The following RBFOX1 variants were observed in gnomAD, a reference collection of about 807,000 sequenced individuals.
RBFOX1 encodes RNA binding fox-1 homolog 1, also known as RNA binding protein fox-1 homolog 1.
In RBFOX1, 8 loss-of-function variants were observed where a neutral mutation model predicts 57.7. The observed-to-expected ratio is 0.14, with a 90% CI of 0.08 to 0.25. RBFOX1 has a LOEUF of 0.25. Among genes scored for constraint, RBFOX1 ranks in the 10% least tolerant of loss-of-function variants. The pLI, the probability that RBFOX1 is intolerant of heterozygous loss-of-function variation, is 1.00. For synonymous variants in RBFOX1, 326 were observed against 222.4 expected, an observed-to-expected ratio of 1.47 and a Z score of -4.15; for missense variants, 611 against 548.5, an observed-to-expected ratio of 1.11 and a Z score of -1.14.
chr16:5,276,279 T>TG (rs2063138271), intron 1 of RBFOX1, among the ~76,000 whole-genome samples: 1 of 152,132 alleles, frequency 6.6e-6, no homozygotes, highest in African/African-American at 2.4e-5. Flanking sequence ...TTTCACAAAC[T>TG]GCATCTGACA....
At chr16:6,421,781 A>G (rs1024896599) in intron 2 of RBFOX1, among the ~76,000 whole-genome samples, 4 of 152,202 alleles carry the variant, frequency 2.6e-5, no homozygotes, top group Admixed American at 1.3e-4. Flanking sequence ...ACCTTGGCCC[A>G]GCTCTGTGCA....
intron 1 of RBFOX1, among the ~76,000 whole-genome samples, chr16:6,130,043 G>A (rs181636964): frequency 4.7e-4 from 72 of 152,222 alleles, no homozygotes; most frequent in African/African-American, 1.7e-3. Flanking sequence ...GATCAAATAT[G>A]AAAGGAAATG....
At chr16:5,481,058 A>T (rs755569015) in intron 2 of RBFOX1, among the ~76,000 whole-genome samples, 45 of 152,228 alleles carry the variant, frequency 3.0e-4, no homozygotes, top group Non-Finnish European at 3.1e-4. Flanking sequence ...ACACAAGTCT[A>T]CTAGCTCTAA....
chr16:7,512,333 C>G (rs1008044447), intron 4 of RBFOX1, among the ~76,000 whole-genome samples: 3 of 152,084 alleles, frequency 2.0e-5, no homozygotes, highest in Non-Finnish European at 2.9e-5. Context: ...TACATTTCAG[C>G]CAAGCTAAGA....
chr16:6,252,819 A>G (rs371308026), intron 1 of RBFOX1, among the ~76,000 whole-genome samples: 21 of 152,306 alleles, frequency 1.4e-4, no homozygotes, highest in African/African-American at 4.8e-4. Flanking sequence ...TGATAACCAC[A>G]TTCTGAACAT....
In RBFOX1 at chr16:6,641,982, A is replaced by G. The variant is rs896975029; in HGVS notation, c.-63-12621A>G. Among the ~76,000 whole-genome samples the G allele has an allele frequency of 3.9e-5, 6 of 152,274 alleles. 1 individual carries two copies. In the South Asian group the frequency reaches 1.2e-3, roughly 32 times the overall value. ...GTTAATTATTCACAGGAACCCGTCA[A>G]TGAAAGCACCAGGGATTATCCAGGA... On this transcript the variant is annotated intron_variant, in intron 2 of 15. Transcript: ENST00000550418.
chr16:5,598,770 G>A, intron 2 of RBFOX1: 1 of 681,216 alleles, frequency 1.5e-6, no homozygotes, highest in Non-Finnish European at 2.4e-6. Flanking sequence ...GATGGGTGGA[G>A]AGACAGAGGG....
chr16:6,869,405 A>T (rs921220217), intron 3 of RBFOX1, among the ~76,000 whole-genome samples: 1 of 152,022 alleles, frequency 6.6e-6, no homozygotes, highest in Non-Finnish European at 1.5e-5. Flanking sequence ...TCAAGCTCCA[A>T]ATTCTGTTAT....
At chr16:5,461,783 A>AGGCCC (rs2068795034) in intron 1 of RBFOX1, among the ~76,000 whole-genome samples, 2 of 152,072 alleles carry the variant, frequency 1.3e-5, no homozygotes, top group African/African-American at 4.8e-5. Flanking sequence ...TTAATCTCAC[A>AGGCCC]TTTCATCTCA....
At chr16:7,651,068 T>TA (rs3837771) in intron 11 of RBFOX1, among the ~76,000 whole-genome samples, 1 of 151,996 alleles carries the variant, frequency 6.6e-6, no homozygotes, top group Admixed American at 6.6e-5. Context: ...TTAGCAAGAA[T>TA]AAAAAAAGTT....
intron 4 of RBFOX1, among the ~76,000 whole-genome samples, chr16:5,964,774 C>T (rs1216454755): frequency 1.3e-5 from 2 of 150,960 alleles, no homozygotes; most frequent in Non-Finnish European, 2.9e-5. Flanking sequence ...TATATATATA[C>T]ACACATATAC....
intron 3 of RBFOX1, among the ~76,000 whole-genome samples, chr16:6,994,496 A>G (rs188999848): frequency 7.9e-5 from 12 of 152,328 alleles, no homozygotes; most frequent in East Asian, 7.7e-4. Flanking sequence ...CACAGTTTTT[A>G]GGTAAACAAC....
intron 3 of RBFOX1, among the ~76,000 whole-genome samples, chr16:5,785,805 A>G (rs550023903): frequency 7.4e-4 from 112 of 152,186 alleles, no homozygotes; most frequent in African/African-American, 2.6e-3. Flanking sequence ...GGGATTATAG[A>G]CATGAGCCTC....
chr16:6,207,544 C>T (rs568481907), intron 1 of RBFOX1, among the ~76,000 whole-genome samples: 302 of 152,166 alleles, frequency 2.0e-3, no homozygotes, highest in African/African-American at 7.0e-3. Flanking sequence ...AAGGAGAACT[C>T]GGTTTCTAAA....
intron 3 of RBFOX1, among the ~76,000 whole-genome samples, chr16:5,799,621 G>C (rs574321135): frequency 7.2e-5 from 11 of 152,116 alleles, no homozygotes; most frequent in Non-Finnish European, 1.3e-4. Context: ...TTTGTGTTAG[G>C]TGATTTTTGT....
In RBFOX1 at chr16:5,931,973, A is replaced by T. The variant is rs960888433; in HGVS notation, c.351+64638A>T. ...CAAGCATGCACCATCACTCCTAGCT[A>T]ATTTTTTTTTGTACACTTGGGCCTC... On this transcript the variant is annotated intron_variant, in intron 4 of 19. Coordinates refer to the RBFOX1 transcript ENST00000641259. Among the ~76,000 whole-genome samples the T allele has an allele frequency of 2.2e-5, 3 of 136,540 alleles. No homozygotes were observed. In the South Asian group the frequency reaches 7.9e-4, roughly 36 times the overall value. The allele number at this position is 136,540 out of a possible 152,430, so 89.6% of individuals were successfully genotyped here.
At chr16:5,484,183 G>A (rs755243869) in intron 2 of RBFOX1, among the ~76,000 whole-genome samples, 2 of 152,088 alleles carry the variant, frequency 1.3e-5, no homozygotes, top group Non-Finnish European at 2.9e-5. Context: ...AAATAAAAAC[G>A]AAAACAAAGA....
intron 2 of RBFOX1, among the ~76,000 whole-genome samples, chr16:6,446,280 G>A (rs1330631856): frequency 6.6e-6 from 1 of 152,164 alleles, no homozygotes; most frequent in Non-Finnish European, 1.5e-5. Flanking sequence ...TGGGATGACA[G>A]GCGTGAGCCA....
rs142181025 is a variant in RBFOX1, at chr16:5,958,725, T to G, written c.351+91390T>G. Reference sequence around the variant, plus strand: ...GTGGGGTTAAAATCAAGGTTTCTACTGGCAGCTCCAGGAGATAATCTATTC... The same window carrying G: ...GTGGGGTTAAAATCAAGGTTTCTACGGGCAGCTCCAGGAGATAATCTATTC... On this transcript the variant is annotated intron_variant, in intron 4 of 19. Coordinates refer to the RBFOX1 transcript ENST00000641259. Among the ~76,000 whole-genome samples, 1,159 of 152,324 alleles carry G rather than the reference T, an allele frequency of 7.6e-3. 12 individuals are homozygous for G. The highest frequency in any genetic ancestry group is 0.054 in the Middle Eastern group (16 of 294).
Sources: allele counts gnomAD v4.1 joint callset (sites outside exome capture counted in the v4.1 genomes callset), GRCh38; gene constraint gnomAD v4.1.1; transcripts MANE v1.5; gene names NCBI Gene and HGNC (gene_info 2026-07-23, HGNC 2026-07-21).